Variants in DLGAP1 observed in about 807,000 individuals in gnomAD.
The protein encoded by DLGAP1 is disks large-associated protein 1.
Under a neutral mutation model 90.8 loss-of-function variants are expected in DLGAP1, and 11 were observed. That is an observed-to-expected ratio of 0.12 (90% confidence interval 0.08 to 0.20). The LOEUF (loss-of-function observed/expected upper bound fraction) is 0.20, where lower values mean the gene tolerates loss of function less well. Ranked by LOEUF, DLGAP1 falls within the 10% of genes least tolerant of loss-of-function variation. DLGAP1 has a pLI of 1.00. For synonymous variants in DLGAP1, 558 were observed against 540.7 expected (o/e 1.03, Z -0.44); for missense variants, 1,050 against 1,333.8 (o/e 0.79, Z 3.31).
At chr18:3,663,155 C>T (rs759021490) in intron 7 of DLGAP1, among the ~76,000 whole-genome samples, 1 of 151,992 alleles carries the variant, frequency 6.6e-6, no homozygotes, top group Non-Finnish European at 1.5e-5. Flanking sequence ...CCTGTAATCC[C>T]AGCTACTTGG....
chr18:3,954,532 CACTT>C (rs1353137103), intron 3 of DLGAP1, among the ~76,000 whole-genome samples: 1 of 152,166 alleles, frequency 6.6e-6, no homozygotes, highest in Middle Eastern at 3.2e-3. Context: ...GTGTCAGTCA[CACTT>C]AATTATTTTT....
At chr18:3,833,325 T>G (rs1344256854) in intron 4 of DLGAP1, among the ~76,000 whole-genome samples, 1 of 151,586 alleles carries the variant, frequency 6.6e-6, no homozygotes, top group African/African-American at 2.4e-5. Context: ...CCTCGATCTT[T>G]CAGGCTCAAG....
At chr18:3,551,006 G>T (rs531574385) in intron 9 of DLGAP1, among the ~76,000 whole-genome samples, 36 of 152,070 alleles carry the variant, frequency 2.4e-4, no homozygotes, top group Non-Finnish European at 3.2e-4. Context: ...CTCCCAAAGT[G>T]CTGGGATTAC....
At position 4,265,641 on chromosome 18, in the gene DLGAP1, TTCCC is replaced by T. The variant is rs1186187652; in HGVS notation, c.-266-114358_-266-114355del. 2.1e-3 allele frequency among the ~76,000 whole-genome samples: 59 copies of T among 28,306 alleles called. 2 individuals are homozygous for T. The highest frequency in any genetic ancestry group is 0.014 in the East Asian group (12 of 870). 18.6% of individuals were successfully genotyped at this position (28,306 alleles called of 152,430 possible). On this transcript the variant is annotated intron_variant, in intron 1 of 12. Coordinates refer to ENST00000315677, the MANE Select transcript of DLGAP1 (RefSeq NM_004746.4). ...CCTCCCTCCCCTTCCCTCCCTCCCC[TTCCC>T]TCCCTCCCTCCCTCCCTCCCTTCCT...
intron 4 of DLGAP1, among the ~76,000 whole-genome samples, chr18:3,864,091 C>T (rs1336834914): frequency 6.6e-6 from 1 of 152,090 alleles, no homozygotes; most frequent in Admixed American, 6.5e-5. Flanking sequence ...CAGTCTGGGT[C>T]AAACAAGTGC....
At chr18:4,419,058 T>C (rs1335410311) in intron 1 of DLGAP1, among the ~76,000 whole-genome samples, 1 of 151,686 alleles carries the variant, frequency 6.6e-6, no homozygotes, top group Non-Finnish European at 1.5e-5. Context: ...GACAATGGAG[T>C]GCTAAAAAAA....
chr18:4,137,012 T>C (rs1170874095), intron 2 of DLGAP1, among the ~76,000 whole-genome samples: 1 of 152,150 alleles, frequency 6.6e-6, no homozygotes, highest in Non-Finnish European at 1.5e-5. Context: ...AACTCGTCAT[T>C]TAACATTAGG....
At chr18:4,082,148 C>T (rs1261710225) in intron 2 of DLGAP1, among the ~76,000 whole-genome samples, 1 of 151,980 alleles carries the variant, frequency 6.6e-6, no homozygotes, top group African/African-American at 2.4e-5. Flanking sequence ...CAAGACCAGC[C>T]TGGGCAAAAT....
At chr18:3,650,687 T>TGGAA (rs554166118) in intron 7 of DLGAP1, among the ~76,000 whole-genome samples, 8 of 152,124 alleles carry the variant, frequency 5.3e-5, no homozygotes, top group South Asian at 4.1e-4. Context: ...ACCACGCTGG[T>TGGAA]GGAAGGAAGG....
Position 4,165,497 on chromosome 18 carries a change from G to T in DLGAP1, c.-266-14210C>A, listed in dbSNP as rs544883040. ...CTAAAGGAAGTTCTTCAAACAGAAAGAAAATAATAAAAGAATCTAGAAGCA... is the reference window on the plus strand; with the variant it reads ...CTAAAGGAAGTTCTTCAAACAGAAATAAAATAATAAAAGAATCTAGAAGCA... On this transcript the variant is annotated intron_variant, in intron 1 of 12. Coordinates refer to ENST00000315677, the MANE Select transcript of DLGAP1 (RefSeq NM_004746.4). 3.6e-4 allele frequency among the ~76,000 whole-genome samples: 55 copies of T among 152,124 alleles called. 1 individual carries two copies. Among genetic ancestry groups the T allele is most frequent in the African/African-American group, 1.3e-3 (53 of 41,500 alleles).
Position 3,882,746 on chromosome 18 carries a change from G to A in DLGAP1, c.-72-2606C>T, listed in dbSNP as rs1207121383. ...GAGGCTGCTATTCCATCAGGGCAGA[G>A]TATTTTCTCTGGACTCCAAAACAGT... On this transcript the variant is annotated intron_variant, in intron 3 of 12. Coordinates refer to ENST00000315677, the MANE Select transcript of DLGAP1 (RefSeq NM_004746.4). 2.6e-5 allele frequency among the ~76,000 whole-genome samples: 4 copies of A among 152,064 alleles called. No individual in the cohort carries two copies. The South Asian group carries it at 8.3e-4, about 32-fold the overall frequency.
intron 5 of DLGAP1, among the ~76,000 whole-genome samples, chr18:3,772,483 C>CTTA (rs1253927049): frequency 3.4e-5 from 3 of 89,016 alleles, no homozygotes; most frequent in Non-Finnish European, 4.5e-5. Flanking sequence ...TTTCTTTCTT[C>CTTA]TGTCCCGGAG....
chr18:3,625,853 TA>T (rs1485311726), intron 7 of DLGAP1, among the ~76,000 whole-genome samples: 3 of 152,248 alleles, frequency 2.0e-5, no homozygotes, highest in Admixed American at 6.5e-5. Context: ...AATGTTGAAC[TA>T]ACCTCCCCTG....
intron 7 of DLGAP1, among the ~76,000 whole-genome samples, chr18:3,662,989 C>T (rs543577280): frequency 2.0e-5 from 3 of 152,228 alleles, no homozygotes; most frequent in Non-Finnish European, 2.9e-5. Flanking sequence ...ACCTGAATCT[C>T]GGCTGGGTGC....
intron 1 of DLGAP1, among the ~76,000 whole-genome samples, chr18:4,333,880 G>T (rs1445303784): frequency 6.6e-6 from 1 of 151,112 alleles, no homozygotes; most frequent in Non-Finnish European, 1.5e-5. Flanking sequence ...GACCACAGGC[G>T]TGAGCCACCG....
chr18:3,975,797 G>A (rs1462831716), intron 3 of DLGAP1, among the ~76,000 whole-genome samples: 1 of 152,146 alleles, frequency 6.6e-6, no homozygotes, highest in East Asian at 1.9e-4. Context: ...CAAAGACATT[G>A]TGCAAAGTGA....
intron 2 of DLGAP1, among the ~76,000 whole-genome samples, chr18:4,048,407 T>TA (rs2075086764): frequency 6.6e-6 from 1 of 152,212 alleles, no homozygotes; most frequent in African/African-American, 2.4e-5. Context: ...CTAAATTACT[T>TA]AGAGTTTTTC....
chr18:4,166,802 T>C (rs1194518900), intron 1 of DLGAP1, among the ~76,000 whole-genome samples: 3 of 152,228 alleles, frequency 2.0e-5, no homozygotes, highest in Non-Finnish European at 2.9e-5. Context: ...TATTGTATGT[T>C]TCCATTTACA....
chr18:4,175,523 T>G (rs2077092432), intron 1 of DLGAP1, among the ~76,000 whole-genome samples: 1 of 148,562 alleles, frequency 6.7e-6, no homozygotes, highest in South Asian at 2.1e-4. Context: ...ATTGCCTAGG[T>G]TTTTTTCTAG....
Sources: gnomAD v4.1 joint callset for allele counts (sites outside exome capture counted in the v4.1 genomes callset) on GRCh38, gnomAD v4.1.1 for gene constraint, MANE v1.5 for transcripts, NCBI Gene and HGNC (gene_info 2026-07-23, HGNC 2026-07-21) for gene names.